PLXNA4: variants seen among roughly 807,000 people sequenced by gnomAD.
PLXNA4 encodes the protein plexin A4, also known as plexin-A4.
A neutral mutation model predicts 191.8 loss-of-function variants in PLXNA4; 44 were observed. The observed-to-expected ratio is 0.23, with a 90% CI of 0.18 to 0.29. The LOEUF is 0.29. PLXNA4 is among the 10% of genes least tolerant of loss of function. PLXNA4 has a pLI of 1.00. For missense variants in PLXNA4, 1,800 were observed against 2,488.8 expected (o/e 0.72, Z 5.89); for synonymous variants, 1,082 against 1,009.5 (o/e 1.07, Z -1.36).
intron 3 of PLXNA4, among the ~76,000 whole-genome samples, chr7:132,428,735 C>T (rs1028109156): frequency 2.4e-4 from 36 of 152,090 alleles, no homozygotes; most frequent in African/African-American, 7.5e-4. Context: ...TCCAGGTCCT[C>T]GCCTACCTCC....
At chr7:132,240,913 G>A (rs566204532) in intron 5 of PLXNA4, among the ~76,000 whole-genome samples, 153 bp downstream of exon 5, 4 of 152,348 alleles carry the variant, frequency 2.6e-5, no homozygotes, top group African/African-American at 4.8e-5. Flanking sequence ...AAGGAAGGGA[G>A]ATAACATTTG....
At chr7:132,147,844 T>G in intron 27 of PLXNA4, 56 bp downstream of exon 27, 2 of 1,611,736 alleles carry the variant, frequency 1.2e-6, no homozygotes. Flanking sequence ...GCTGCTGTCA[T>G]GACAACAGCT....
chr7:132,259,085 TAGCTTCTAA>T (rs1013445782), intron 4 of PLXNA4, among the ~76,000 whole-genome samples: 1 of 152,110 alleles, frequency 6.6e-6, no homozygotes, highest in African/African-American at 2.4e-5. Context: ...CTTGGTGACT[TAGCTTCTAA>T]AGAGGTCCCT....
At chr7:132,150,056 C>T (rs1172856597) in intron 25 of PLXNA4, among the ~76,000 whole-genome samples, 2 of 152,194 alleles carry the variant, frequency 1.3e-5, no homozygotes, top group African/African-American at 4.8e-5. Flanking sequence ...AGCATCATGT[C>T]AGGTGGTCAA....
chr7:132,410,214 A>G (rs1310172203), intron 3 of PLXNA4, among the ~76,000 whole-genome samples: 2 of 125,720 alleles, frequency 1.6e-5, no homozygotes, highest in African/African-American at 6.1e-5. Flanking sequence ...CCCCCAGCCC[A>G]TGCTATTCTC....
intron 1 of PLXNA4, among the ~76,000 whole-genome samples, chr7:132,563,156 C>CCTCCTCCTCCTT (rs1230921639): frequency 1.3e-5 from 1 of 75,422 alleles, no homozygotes; most frequent in African/African-American, 4.6e-5. Flanking sequence ...TCCTCCTTCT[C>CCTCCTCCTCCTT]CTCCTCCTCC....
intron 3 of PLXNA4, among the ~76,000 whole-genome samples, chr7:132,322,881 C>T (rs1802228633): frequency 6.6e-6 from 1 of 152,188 alleles, no homozygotes. Context: ...CTTCCTGTGA[C>T]TTAAGAGATC....
At chr7:132,164,095 GAAGCCCGCCTGTCA>G in intron 24 of PLXNA4, 33 bp downstream of exon 24, 1 of 1,610,258 alleles carries the variant, frequency 6.2e-7, no homozygotes, top group Non-Finnish European at 8.5e-7. Context: ...ACCCAGGATG[GAAGCCCGCCTGTCA>G]AAGCCCCAGG....
At chr7:132,451,637 G>A (rs149933875) in intron 3 of PLXNA4, among the ~76,000 whole-genome samples, 85 of 152,336 alleles carry the variant, frequency 5.6e-4, no homozygotes, top group African/African-American at 1.8e-3. Flanking sequence ...AGTGGGTAAA[G>A]GGCAGTGAGC....
chr7:132,201,233 A>T (rs539799445), intron 12 of PLXNA4, among the ~76,000 whole-genome samples: 1 of 152,128 alleles, frequency 6.6e-6, no homozygotes, highest in South Asian at 2.1e-4. Flanking sequence ...GACCCTGCCA[A>T]CACCTTGATC....
At chr7:132,187,665 G>T (rs919893569) in intron 14 of PLXNA4, 58 bp from the exon 15 acceptor site, 1 of 1,544,766 alleles carries the variant, frequency 6.5e-7, no homozygotes, top group Non-Finnish European at 8.7e-7. Flanking sequence ...GAGGCTTCTG[G>T]GCAGGCGTGA....
chr7:132,509,205 G>A (rs1360044584), intron 1 of PLXNA4, among the ~76,000 whole-genome samples: 1 of 152,058 alleles, frequency 6.6e-6, no homozygotes, highest in Non-Finnish European at 1.5e-5. Flanking sequence ...AGGAGGCGGG[G>A]CTGCCTGCAC....
intron 3 of PLXNA4, among the ~76,000 whole-genome samples, chr7:132,327,862 C>G (rs1346310320): frequency 6.6e-6 from 1 of 152,190 alleles, no homozygotes; most frequent in African/African-American, 2.4e-5. Context: ...AGTCCTCCCT[C>G]CACCAGCCTC....
chr7:132,406,917 T>C (rs889868329), intron 3 of PLXNA4, among the ~76,000 whole-genome samples: 8 of 152,158 alleles, frequency 5.3e-5, no homozygotes, highest in African/African-American at 1.9e-4. Context: ...GGTGTTCATT[T>C]TGAGGGGAAA....
At chr7:132,244,413 C>T (rs1372226117) in intron 4 of PLXNA4, among the ~76,000 whole-genome samples, 5 of 152,222 alleles carry the variant, frequency 3.3e-5, no homozygotes, top group Non-Finnish European at 5.9e-5. Flanking sequence ...AGAGCTTTCT[C>T]ATCTTAAAGG....
At chr7:132,517,350 C>T (rs1215829397) in intron 1 of PLXNA4, among the ~76,000 whole-genome samples, 4 of 152,176 alleles carry the variant, frequency 2.6e-5, no homozygotes, top group Non-Finnish European at 4.4e-5. Flanking sequence ...GTTTTCTCTA[C>T]GGTTTCTTTC....
intron 4 of PLXNA4, 35 bp from the exon 5 acceptor site, chr7:132,241,201 T>C (rs778579667): frequency 2.6e-6 from 4 of 1,524,210 alleles, no homozygotes; most frequent in East Asian, 4.5e-5. Context: ...GTGGTCAAGA[T>C]TTTGCAGAAC....
At chr7:132,216,714 T>C (rs1263165346) in intron 9 of PLXNA4, among the ~76,000 whole-genome samples, 1 of 152,212 alleles carries the variant, frequency 6.6e-6, no homozygotes, top group Admixed American at 6.5e-5. Context: ...TCCTATGTTC[T>C]AGATAAAGAC....
intron 5 of PLXNA4, among the ~76,000 whole-genome samples, chr7:132,236,124 C>T (rs1179933420): frequency 2.0e-5 from 3 of 152,160 alleles, no homozygotes; most frequent in Admixed American, 6.5e-5. Context: ...TTAAATTACA[C>T]GAGCCTTTCT....
Sources: gnomAD v4.1 joint callset for allele counts (sites outside exome capture counted in the v4.1 genomes callset) on GRCh38, gnomAD v4.1.1 for gene constraint, MANE v1.5 for transcripts, NCBI Gene and HGNC (gene_info 2026-07-23, HGNC 2026-07-21) for gene names.